Variants in CDH12 observed in about 807,000 individuals in gnomAD.
The protein encoded by CDH12 is cadherin-12.
CDH12 carries 41 observed loss-of-function variants against 74.1 expected under a neutral mutation model. That is an observed-to-expected ratio of 0.55 (90% CI 0.43 to 0.72). The LOEUF (loss-of-function observed/expected upper bound fraction) is 0.72. Ranked by LOEUF, CDH12 falls within the 30% of genes least tolerant of loss-of-function variation. CDH12 has a pLI of 0.00. For synonymous variants in CDH12, 399 were observed against 355.0 expected, an observed-to-expected ratio of 1.12 and a Z score of -1.39; for missense variants, 945 against 977.2, an observed-to-expected ratio of 0.97 and a Z score of 0.44.
intron 2 of CDH12, among the ~76,000 whole-genome samples, chr5:22,492,810 T>C (rs1469916706): frequency 6.6e-6 from 1 of 152,130 alleles, no homozygotes; most frequent in Non-Finnish European, 1.5e-5. Flanking sequence ...GAATAAGTTT[T>C]TTCTCCCTTG....
chr5:21,939,714 A>T (rs1755246243), intron 6 of CDH12, among the ~76,000 whole-genome samples: 5 of 152,198 alleles, frequency 3.3e-5, no homozygotes, highest in Admixed American at 3.3e-4. Context: ...AAGAGACTAA[A>T]ATATGCATTT....
chr5:22,110,281 C>G (rs956672755), intron 4 of CDH12, among the ~76,000 whole-genome samples: 1 of 152,134 alleles, frequency 6.6e-6, no homozygotes, highest in Non-Finnish European at 1.5e-5. Flanking sequence ...AGGGGTCCTT[C>G]TTCAGGGTGA....
chr5:22,249,405 C>T (rs1753063421), intron 3 of CDH12, among the ~76,000 whole-genome samples: 1 of 151,974 alleles, frequency 6.6e-6, no homozygotes, highest in South Asian at 2.1e-4. Flanking sequence ...GAAGTGGAGT[C>T]GGAGTAGAGA....
chr5:22,633,462 A>T (rs960846168), intron 1 of CDH12, among the ~76,000 whole-genome samples: 5 of 152,306 alleles, frequency 3.3e-5, no homozygotes, highest in African/African-American at 1.2e-4. Context: ...GGGTCACAGG[A>T]TTCTCAGCTG....
chr5:22,417,651 G>A (rs1444004956), intron 2 of CDH12, among the ~76,000 whole-genome samples: 2 of 152,132 alleles, frequency 1.3e-5, no homozygotes, highest in Admixed American at 1.3e-4. Flanking sequence ...CTTTTTTTAT[G>A]ATAGAATAAA....
intron 1 of CDH12, among the ~76,000 whole-genome samples, chr5:22,633,510 T>A (rs1452569397): frequency 6.6e-6 from 1 of 152,190 alleles, no homozygotes; most frequent in Non-Finnish European, 1.5e-5. Context: ...TGAGGGTGCA[T>A]CTAGAGGACA....
chr5:22,790,896 C>A (rs971191636), intron 1 of CDH12, among the ~76,000 whole-genome samples: 5 of 152,004 alleles, frequency 3.3e-5, no homozygotes, highest in African/African-American at 4.8e-5. Flanking sequence ...AGGAATCAAA[C>A]CACTTTCTAT....
At chr5:21,978,877 A>G (rs1757183634) in intron 5 of CDH12, among the ~76,000 whole-genome samples, 1 of 152,184 alleles carries the variant, frequency 6.6e-6, no homozygotes, top group Admixed American at 6.5e-5. Context: ...ATTTTTAGTG[A>G]TTCCGGAAAT....
rs535982004 is a variant in CDH12, at chr5:22,058,823, A to G, written c.231+19623T>C. 2.0e-5 allele frequency among the ~76,000 whole-genome samples: 3 copies of G among 152,184 alleles called. No individual in the cohort carries two copies. The South Asian group carries it at 6.2e-4, about 32-fold the overall frequency. ...AAGGAAGGAAGGAAAATAAACAAAAAAAAGGTTGACTGATTGTATCTAACA... is the reference window on the plus strand; with the variant it reads ...AAGGAAGGAAGGAAAATAAACAAAAGAAAGGTTGACTGATTGTATCTAACA... On this transcript the variant is annotated intron_variant, in intron 5 of 14. Transcript: ENST00000382254.
At chr5:21,822,638 C>T (rs1748436008) in intron 8 of CDH12, among the ~76,000 whole-genome samples, 1 of 152,046 alleles carries the variant, frequency 6.6e-6, no homozygotes, top group Admixed American at 6.6e-5. Flanking sequence ...ATAACAGAAA[C>T]ATCCACTGCT....
At chr5:22,002,662 T>C (rs866913701) in intron 5 of CDH12, among the ~76,000 whole-genome samples, 2 of 152,108 alleles carry the variant, frequency 1.3e-5, no homozygotes, top group African/African-American at 4.8e-5. Flanking sequence ...TTTAGGGACA[T>C]GTGGGTGACT....
At chr5:22,062,207 T>C (rs894523208) in intron 5 of CDH12, among the ~76,000 whole-genome samples, 3 of 152,186 alleles carry the variant, frequency 2.0e-5, no homozygotes, top group African/African-American at 7.2e-5. Flanking sequence ...ATTGAACCTT[T>C]ATGGCACAGC....
rs908846106 is a variant in CDH12 at position 22,474,848 on chromosome 5, ATAG to A, written c.-428+30419_-428+30421del. On this transcript the variant is annotated intron_variant, in intron 2 of 14. Transcript: ENST00000382254. Reference sequence around the variant, plus strand: ...CTCTCATATTTTCAGGAACCAAGCCATAGTACAAATAAAGAATCACATAGAATA... The same window carrying A: ...CTCTCATATTTTCAGGAACCAAGCCATACAAATAAAGAATCACATAGAATA... Among the ~76,000 whole-genome samples the A allele has an allele frequency of 1.5e-3, 227 of 152,238 alleles. 1 individual carries two copies. Among genetic ancestry groups the A allele is most frequent in the African/African-American group, 5.4e-3 (225 of 41,560 alleles).
intron 3 of CDH12, among the ~76,000 whole-genome samples, chr5:22,366,727 T>C (rs1741047434): frequency 6.6e-6 from 1 of 152,212 alleles, no homozygotes; most frequent in South Asian, 2.1e-4. Flanking sequence ...TTCAACTGAA[T>C]GTTAATATTG....
chr5:21,846,463 T>C (rs1258260148), intron 7 of CDH12, among the ~76,000 whole-genome samples: 2 of 152,166 alleles, frequency 1.3e-5, no homozygotes, highest in East Asian at 1.9e-4. Context: ...TTCAAGAGTA[T>C]GTCTGTTTTT....
intron 2 of CDH12, among the ~76,000 whole-genome samples, chr5:22,427,009 A>G (rs1279324647): frequency 6.6e-6 from 1 of 151,286 alleles, no homozygotes; most frequent in Non-Finnish European, 1.5e-5. Context: ...TCTCCCATTT[A>G]TCTTTTCTCT....
chr5:22,448,669 A>G (rs918752223), intron 2 of CDH12, among the ~76,000 whole-genome samples: 2 of 152,118 alleles, frequency 1.3e-5, no homozygotes, highest in Non-Finnish European at 2.9e-5. Flanking sequence ...GTTTATAGTT[A>G]AAGAGCAGTT....
intron 2 of CDH12, among the ~76,000 whole-genome samples, chr5:22,474,565 A>T (rs1283685708): frequency 6.6e-6 from 1 of 152,134 alleles, no homozygotes; most frequent in African/African-American, 2.4e-5. Context: ...TTGGAAAGGG[A>T]ATTAATCTGG....
intron 1 of CDH12, among the ~76,000 whole-genome samples, chr5:22,663,127 G>T (rs1234088988): frequency 6.6e-6 from 1 of 152,080 alleles, no homozygotes; most frequent in African/African-American, 2.4e-5. Flanking sequence ...TCAACTTTAT[G>T]ATAATGAAAA....
Sources: allele counts gnomAD v4.1 joint callset (sites outside exome capture counted in the v4.1 genomes callset), GRCh38; gene constraint gnomAD v4.1.1; transcripts MANE v1.5; gene names NCBI Gene and HGNC (gene_info 2026-07-23, HGNC 2026-07-21).